Variants in ARHGEF12 observed in about 807,000 individuals in gnomAD.
ARHGEF12 encodes Rho guanine nucleotide exchange factor 12.
ARHGEF12 carries 66 observed loss-of-function variants against 211.2 expected under a neutral mutation model. The observed-to-expected ratio is 0.31, with a 90% CI of 0.26 to 0.38. ARHGEF12 has a LOEUF of 0.38. Ranked by LOEUF, ARHGEF12 falls within the 10% of genes least tolerant of loss-of-function variation. ARHGEF12 has a pLI of 1.00. For synonymous variants in ARHGEF12, 592 were observed against 638.4 expected, an observed-to-expected ratio of 0.93 and a Z score of 1.09; for missense variants, 1,429 against 1,869.5, an observed-to-expected ratio of 0.76 and a Z score of 4.34.
In ARHGEF12 at chr11:120,367,948, C is replaced by A. The variant is rs543914569; in HGVS notation, c.32+30673C>A. 2.6e-5 allele frequency among the ~76,000 whole-genome samples: 4 copies of A among 151,654 alleles called. No individual in the cohort carries two copies. In the East Asian group the frequency reaches 7.8e-4, roughly 29 times the overall value. On this transcript the variant is annotated intron_variant, in intron 1 of 40. Coordinates refer to ENST00000397843, the MANE Select transcript of ARHGEF12 (RefSeq NM_015313.3). ...GTGAGCTGTGATCGTGCCACTGCAC[C>A]CCAGCCTGGGTGACAGAGCAAGACC...
At chr11:120,481,760 C>CTTTTTTTTT (rs765155466) in intron 39 of ARHGEF12, among the ~76,000 whole-genome samples, 184 bp downstream of exon 39, 1 of 138,410 alleles carries the variant, frequency 7.2e-6, no homozygotes, top group African/African-American at 2.6e-5. Context: ...TTCTTTCTTT[C>CTTTTTTTTT]TTTTTTTTTT....
intron 1 of ARHGEF12, among the ~76,000 whole-genome samples, chr11:120,343,283 T>C (rs920932645): frequency 5.3e-5 from 8 of 152,248 alleles, no homozygotes; most frequent in African/African-American, 1.9e-4. Flanking sequence ...CCTTGTTTTG[T>C]ATTTTGCTAA....
intron 1 of ARHGEF12, among the ~76,000 whole-genome samples, chr11:120,347,230 CTCTG>C (rs1942788344): frequency 7.4e-6 from 1 of 134,394 alleles, no homozygotes; most frequent in Non-Finnish European, 1.6e-5. Context: ...CTTTCTTTCT[CTCTG>C]TCTCTCTCTG....
In ARHGEF12 at chr11:120,457,118, G is replaced by A; in HGVS notation, c.2057G>A (p.Gly686Glu). 1 of 1,613,498 alleles carries A rather than the reference G, an allele frequency of 6.2e-7. No homozygotes were observed. ...SQEGGKENDT[G>E]SKQVGETSAP... ...TCAAATGTCTGACTTTTGTCTACAG[G>A]ATCAAAGCAAGTTGGAGAAACATCA... The change falls in exon 23 of 41, where the codon GGA becomes GAA. Residue 686 changes from glycine to glutamate, a missense_variant and splice_region_variant. Gly to Glu is a moderately conservative substitution (Grantham distance 98). Coordinates refer to ENST00000397843, the MANE Select transcript of ARHGEF12 (RefSeq NM_015313.3).
At chr11:120,343,645 G>A (rs1356732441) in intron 1 of ARHGEF12, among the ~76,000 whole-genome samples, 1 of 152,200 alleles carries the variant, frequency 6.6e-6, no homozygotes, top group Non-Finnish European at 1.5e-5. Flanking sequence ...GACAGGCCTG[G>A]GTGGCTTCTC....
chr11:120,451,987 G>A (rs769720824), intron 22 of ARHGEF12, among the ~76,000 whole-genome samples: 43 of 152,188 alleles, frequency 2.8e-4, no homozygotes, highest in Non-Finnish European at 5.6e-4. Context: ...ACAGATGCTT[G>A]CCTCATGCAG....
intron 22 of ARHGEF12, among the ~76,000 whole-genome samples, chr11:120,455,574 A>G (rs542119414): frequency 3.7e-4 from 57 of 152,318 alleles, no homozygotes; most frequent in African/African-American, 1.4e-3. Flanking sequence ...CTTTGAAATC[A>G]TTTGAGGATA....
At chr11:120,482,916 T>C (rs1447993814) in intron 39 of ARHGEF12, among the ~76,000 whole-genome samples, 1 of 152,152 alleles carries the variant, frequency 6.6e-6, no homozygotes, top group African/African-American at 2.4e-5. Flanking sequence ...AATTGATTTT[T>C]CCCTCTTCAT....
intron 7 of ARHGEF12, among the ~76,000 whole-genome samples, chr11:120,426,201 G>A (rs1188557553): frequency 1.3e-5 from 2 of 152,130 alleles, no homozygotes; most frequent in Non-Finnish European, 2.9e-5. Flanking sequence ...CATAAATATG[G>A]TTTATGTTAA....
chr11:120,429,886 G>A, intron 10 of ARHGEF12, 55 bp downstream of exon 10: 1 of 1,568,414 alleles, frequency 6.4e-7, no homozygotes, highest in Non-Finnish European at 8.6e-7. Context: ...TTTTCTTCTG[G>A]GAATGTGTCA....
At chr11:120,482,611 G>T (rs538491946) in intron 39 of ARHGEF12, among the ~76,000 whole-genome samples, 1 of 152,030 alleles carries the variant, frequency 6.6e-6, no homozygotes, top group South Asian at 2.1e-4. Context: ...CAGGTGTGGT[G>T]GTGGGCGCCT....
intron 1 of ARHGEF12, among the ~76,000 whole-genome samples, chr11:120,395,056 CAAAAAAAAA>C (rs758953056): frequency 1.4e-4 from 5 of 34,588 alleles, no homozygotes; most frequent in African/African-American, 5.2e-4. Flanking sequence ...GACTCTATCT[CAAAAAAAAA>C]AAAAAAAAAA....
intron 20 of ARHGEF12, 172 bp downstream of exon 20, chr11:120,448,520 C>T (rs1946111742): frequency 3.4e-6 from 2 of 596,458 alleles, no homozygotes; most frequent in Non-Finnish European, 5.9e-6. Flanking sequence ...AGTGAGAAAT[C>T]CAGACATATA....
chr11:120,459,342 C>A (rs1215946472), intron 26 of ARHGEF12, 22 bp downstream of exon 26: 9 of 1,603,526 alleles, frequency 5.6e-6, no homozygotes, highest in African/African-American at 1.3e-5. Flanking sequence ...TAGCTCTGAT[C>A]TTTGCCCCTA....
intron 7 of ARHGEF12, 41 bp from the exon 8 acceptor site, chr11:120,428,028 A>AT: frequency 2.0e-6 from 3 of 1,481,696 alleles, no homozygotes; most frequent in Non-Finnish European, 1.8e-6. Context: ...TGACAATGTT[A>AT]TTTTCCCTTC....
intron 1 of ARHGEF12, among the ~76,000 whole-genome samples, chr11:120,381,727 C>T (rs1014110252): frequency 5.3e-5 from 8 of 152,268 alleles, no homozygotes; most frequent in South Asian, 2.1e-4. Context: ...ACAAATGCAA[C>T]GGGTCATGTA....
At position 120,364,692 on chromosome 11, in the gene ARHGEF12, C is replaced by A. The variant is rs545681218; in HGVS notation, c.32+27417C>A. On this transcript the variant is annotated intron_variant, in intron 1 of 40. Transcript: ENST00000397843. ...AGCATTAAAGACATTTTCAAGTAAA[C>A]CTTAGTGAGGAAATTGTTCATGATC... Among the ~76,000 whole-genome samples, 3 of 152,100 alleles carry A rather than the reference C, an allele frequency of 2.0e-5. No homozygotes were observed. The East Asian group carries it at 5.8e-4, about 29-fold the overall frequency.
intron 27 of ARHGEF12, chr11:120,462,709 T>C (rs1476584814): frequency 6.6e-6 from 1 of 152,172 alleles, no homozygotes; most frequent in Non-Finnish European, 1.5e-5. Flanking sequence ...AAATCATAAA[T>C]AGGCCTTTAG....
chr11:120,427,833 G>A (rs1445796840), intron 7 of ARHGEF12, among the ~76,000 whole-genome samples: 5 of 151,994 alleles, frequency 3.3e-5, no homozygotes, highest in African/African-American at 9.7e-5. Context: ...GATCTTACTA[G>A]TAGTAACTTG....
Sources: allele counts gnomAD v4.1 joint callset (sites outside exome capture counted in the v4.1 genomes callset), GRCh38; gene constraint gnomAD v4.1.1; transcripts MANE v1.5; gene names NCBI Gene and HGNC (gene_info 2026-07-23, HGNC 2026-07-21).